Variants in FAT3 observed in about 807,000 individuals in gnomAD.
FAT3 encodes the protein FAT atypical cadherin 3.
FAT3 carries 95 observed loss-of-function variants against 310.2 expected under a neutral mutation model. The observed-to-expected ratio is 0.31, with a 90% CI of 0.26 to 0.36. The LOEUF (loss-of-function observed/expected upper bound fraction) is 0.36. FAT3 is among the 10% of genes least tolerant of loss of function. The pLI, the probability that FAT3 is intolerant of heterozygous loss-of-function variation, is 1.00. For synonymous variants in FAT3, 2,314 were observed against 2,192.9 expected (o/e 1.06, Z -1.54); for missense variants, 5,408 against 5,715.6 (o/e 0.95, Z 1.74).
At position 92,354,978 on chromosome 11, in the gene FAT3, G is replaced by A; in HGVS notation, c.2866G>A (p.Ala956Thr). 1 of 1,613,804 alleles carries A rather than the reference G, an allele frequency of 6.2e-7. No individual in the cohort carries two copies. The highest frequency in any genetic ancestry group is 8.5e-7 in the Non-Finnish European group (1 of 1,179,846). Residue 956 changes from alanine to threonine, a missense_variant, in exon 2 of 28, where the codon GCT (alanine) becomes ACT (threonine). Transcript: ENST00000525166. ...LEDLPVGTVIAWLETHDPDLG... is the reference protein window; with the variant it reads ...LEDLPVGTVITWLETHDPDLG... ...AGATCTCCCTGTTGGCACTGTCATT[G>A]CTTGGCTTGAGACCCATGATCCAGA...
At chr11:92,698,319 G>A (rs575593032) in intron 4 of FAT3, among the ~76,000 whole-genome samples, 87 of 152,194 alleles carry the variant, frequency 5.7e-4, no homozygotes, top group Non-Finnish European at 4.1e-4. Context: ...TCTGATGATA[G>A]AATCTCTTCT....
intron 1 of FAT3, among the ~76,000 whole-genome samples, chr11:92,267,963 A>G (rs1946015217): frequency 6.6e-6 from 1 of 151,788 alleles, no homozygotes; most frequent in African/African-American, 2.4e-5. Context: ...ATTACTGAAA[A>G]TTGAGGTTTT....
chr11:92,523,350 C>G (rs1159630685), intron 2 of FAT3, among the ~76,000 whole-genome samples: 1 of 152,170 alleles, frequency 6.6e-6, no homozygotes, highest in East Asian at 1.9e-4. Context: ...TGGCCTACCA[C>G]TATGCAGAGT....
At chr11:92,846,792 T>C (rs1249861613) in intron 19 of FAT3, among the ~76,000 whole-genome samples, 3 of 152,168 alleles carry the variant, frequency 2.0e-5, no homozygotes, top group Non-Finnish European at 4.4e-5. Context: ...AAAGCCAGCA[T>C]TTGCTCAAGA....
intron 3 of FAT3, among the ~76,000 whole-genome samples, chr11:92,614,462 T>C (rs566531738): frequency 6.6e-6 from 1 of 152,316 alleles, no homozygotes; most frequent in South Asian, 2.1e-4. Context: ...AATGTGTTCT[T>C]ATTTTGGTTT....
At chr11:92,407,977 A>G (rs1377147713) in intron 2 of FAT3, 2 of 152,172 alleles carry the variant, frequency 1.3e-5, no homozygotes, top group Non-Finnish European at 2.9e-5. Flanking sequence ...AAAGAGCTTT[A>G]AAATGGGTGT....
intron 2 of FAT3, among the ~76,000 whole-genome samples, chr11:92,411,161 A>T (rs1357304626): frequency 7.0e-6 from 1 of 142,806 alleles, no homozygotes; most frequent in African/African-American, 2.6e-5. Flanking sequence ...ATATATATAT[A>T]ATATATATAT....
intron 4 of FAT3, among the ~76,000 whole-genome samples, chr11:92,740,790 T>G (rs1236046522): frequency 1.3e-5 from 2 of 152,198 alleles, no homozygotes; most frequent in East Asian, 3.8e-4. Context: ...GTGATTTTAT[T>G]TAAACACTCT....
Position 92,844,267 on chromosome 11 carries a change from G to C in FAT3, c.10900G>C (p.Val3634Leu), listed in dbSNP as rs775647434. ...TCGCTTCCAGGTACCCATTGATGTG[G>C]TCGTGCATGTGGAGCAGTTGGTGCA... ...DGRFQVPIDV[V>L]VHVEQLVHEM... Residue 3634 changes from valine to leucine, a missense_variant, in exon 19 of 28, where the codon GTC becomes CTC. Transcript: ENST00000525166. 3 of 1,614,004 alleles carry C rather than the reference G, an allele frequency of 1.9e-6. No individual in the cohort carries two copies. Among genetic ancestry groups the C allele is most frequent in the Admixed American group, 1.7e-5 (1 of 60,034 alleles).
chr11:92,401,305 A>C (rs534678063), intron 2 of FAT3, among the ~76,000 whole-genome samples: 1 of 152,240 alleles, frequency 6.6e-6, no homozygotes, highest in South Asian at 2.1e-4. Flanking sequence ...GCTCAGTAAG[A>C]GGACCCTCAT....
intron 4 of FAT3, among the ~76,000 whole-genome samples, chr11:92,756,665 T>C (rs1291535778): frequency 6.6e-6 from 1 of 152,056 alleles, no homozygotes; most frequent in African/African-American, 2.4e-5. Flanking sequence ...TATACTTATC[T>C]TCTACTTGGG....
At chr11:92,523,903 C>T (rs1953767055) in intron 2 of FAT3, among the ~76,000 whole-genome samples, 2 of 152,126 alleles carry the variant, frequency 1.3e-5, no homozygotes, top group South Asian at 4.1e-4. Flanking sequence ...AAAGACTGGG[C>T]ATTTTGTGCT....
chr11:92,422,358 C>T (rs1368631927), intron 2 of FAT3, among the ~76,000 whole-genome samples: 5 of 152,208 alleles, frequency 3.3e-5, no homozygotes, highest in African/African-American at 9.6e-5. Flanking sequence ...GCTCATACTT[C>T]GCTGAGCCTC....
chr11:92,437,698 G>T (rs961921200), intron 2 of FAT3, among the ~76,000 whole-genome samples: 2 of 152,140 alleles, frequency 1.3e-5, no homozygotes, highest in African/African-American at 2.4e-5. Context: ...GAGAATTGAG[G>T]GTCTTAATGG....
intron 3 of FAT3, among the ~76,000 whole-genome samples, chr11:92,608,908 C>T (rs971523417): frequency 1.3e-5 from 2 of 152,100 alleles, no homozygotes; most frequent in Non-Finnish European, 2.9e-5. Context: ...ATACTGGTGC[C>T]ATGCCCAGGC....
In FAT3 at chr11:92,352,913, T is replaced by C. The variant is rs572097847; in HGVS notation, c.801T>C (p.His267=). Residue 267 remains histidine (H), a synonymous_variant, in exon 2 of 28, where the codon CAT becomes CAC. Coordinates refer to ENST00000525166, the MANE Select transcript of FAT3 (RefSeq NM_001367949.2). ...ERINEHAPTI[H]VVTHVPFSLE... ...TAAATGAACATGCCCCAACAATCCA[T>C]GTAGTCACTCATGTTCCTTTCTCGT... The C allele has an allele frequency of 6.2e-7, 1 of 1,613,888 alleles. No homozygotes were observed. The highest frequency in any genetic ancestry group is 1.7e-5 in the Admixed American group (1 of 59,978).
intron 13 of FAT3, among the ~76,000 whole-genome samples, chr11:92,812,674 A>T (rs1248991768): frequency 1.3e-5 from 2 of 152,276 alleles, no homozygotes; most frequent in Non-Finnish European, 2.9e-5. Context: ...AGAAATTTAG[A>T]TTTCCAGCAT....
Position 92,352,884 on chromosome 11 carries a change from C to A in FAT3, c.772C>A (p.Arg258Ser). The A allele has an allele frequency of 6.2e-7, 1 of 1,613,740 alleles. No individual in the cohort carries two copies. The highest frequency in any genetic ancestry group is 1.7e-5 in the Admixed American group (1 of 59,970). ...TGCAAAGCTTTATGTTCACATTGAG[C>A]GCATAAATGAACATGCCCCAACAAT... ...STAKLYVHIERINEHAPTIHV... is the reference protein window; with the variant it reads ...STAKLYVHIESINEHAPTIHV... Residue 258 changes from arginine to serine, a missense_variant, in exon 2 of 28, where the codon CGC (arginine) becomes AGC (serine). By Grantham distance (110) the Arg-to-Ser change is moderately radical. Transcript: ENST00000525166.
intron 2 of FAT3, among the ~76,000 whole-genome samples, chr11:92,444,894 A>G (rs1951174447): frequency 6.6e-6 from 1 of 152,182 alleles, no homozygotes; most frequent in South Asian, 2.1e-4. Flanking sequence ...AAGTTCTGTC[A>G]TTTTGATGGC....
Sources: gnomAD v4.1 joint callset for allele counts (sites outside exome capture counted in the v4.1 genomes callset) on GRCh38, gnomAD v4.1.1 for gene constraint, MANE v1.5 for transcripts, NCBI Gene and HGNC (gene_info 2026-07-23, HGNC 2026-07-21) for gene names.